PACS2: variants seen among roughly 807,000 people sequenced by gnomAD.
PACS2 encodes phosphofurin acidic cluster sorting protein 2.
A neutral mutation model predicts 113.0 loss-of-function variants in PACS2; 36 were observed. The ratio of observed to expected loss-of-function variants is 0.32; its 90% CI spans 0.24 to 0.42. The LOEUF (loss-of-function observed/expected upper bound fraction) is 0.42. Among genes scored for constraint, PACS2 ranks in the 10% least tolerant of loss-of-function variants. The pLI, the probability that PACS2 is intolerant of heterozygous loss-of-function variation, is 1.00. For missense variants in PACS2, 1,015 were observed against 1,239.5 expected (o/e 0.82, Z 2.72); for synonymous variants, 589 against 536.1 (o/e 1.10, Z -1.36).
At position 105,375,295 on chromosome 14, in the gene PACS2, C is replaced by T. The variant is rs1183615930; in HGVS notation, c.802-1473C>T. 4.6e-5 allele frequency among the ~76,000 whole-genome samples: 7 copies of T among 152,100 alleles called. No homozygotes were observed. The East Asian group carries it at 7.7e-4, about 17-fold the overall frequency. On this transcript the variant is annotated intron_variant, in intron 8 of 24. Transcript: ENST00000447393. ...GAGATCAAGACCATCCTGGCTAACA[C>T]GGTGAAACCCCATCTCTACTAAAAA... is the stretch of plus-strand genomic sequence containing the variant.
Position 105,355,478 on chromosome 14 carries a change from T to C in PACS2, c.423+301T>C, listed in dbSNP as rs1232896329. Among the ~76,000 whole-genome samples the C allele has an allele frequency of 6.6e-6, 1 of 152,206 alleles. No individual in the cohort carries two copies. Among genetic ancestry groups the C allele is most frequent in the Admixed American group, 6.5e-5 (1 of 15,290 alleles). ...GAGGCTGGGTTTTGGGTCAGGCTGCTCTGGAGTCCTTCCCATGGAGGAATC... is the reference window on the plus strand; with the variant it reads ...GAGGCTGGGTTTTGGGTCAGGCTGCCCTGGAGTCCTTCCCATGGAGGAATC... On this transcript the variant is annotated intron_variant, in intron 4 of 24. Coordinates refer to ENST00000447393, the MANE Select transcript of PACS2 (RefSeq NM_001100913.3). The surrounding 1 kb of genome is among the most constrained non-coding windows in gnomAD (Gnocchi z 4.1).
intron 1 of PACS2, among the ~76,000 whole-genome samples, chr14:105,316,344 G>A (rs973470477): frequency 2.0e-5 from 3 of 152,250 alleles, no homozygotes; most frequent in Admixed American, 2.0e-4. Flanking sequence ...AAAGCCAGGA[G>A]CATCTCCCCA....
chr14:105,312,376 C>T (rs587718502), upstream of PACS2, among the ~76,000 whole-genome samples: 25 of 152,348 alleles, frequency 1.6e-4, no homozygotes, highest in Middle Eastern at 3.4e-3. Context: ...CCGGGCAGCA[C>T]GTGGTAGGAC....
chr14:105,334,506 C>T (rs2059429432), intron 1 of PACS2, among the ~76,000 whole-genome samples: 1 of 151,952 alleles, frequency 6.6e-6, no homozygotes, highest in African/African-American at 2.4e-5. Context: ...TAGAGCTCCA[C>T]CTGAGGCCCA....
intron 21 of PACS2, 111 bp from the exon 22 acceptor site, chr14:105,391,519 CT>C: frequency 1.5e-6 from 1 of 682,248 alleles, no homozygotes; most frequent in Non-Finnish European, 2.5e-6. Flanking sequence ...GACTCCCACC[CT>C]GCCCACCCCC....
Position 105,348,823 on chromosome 14 carries a change from G to T in PACS2, c.207+243G>T. On this transcript the variant is annotated intron_variant, in intron 2 of 24. Transcript: ENST00000447393. This position sits in a 1 kb window ranked among gnomAD's most constrained non-coding sequence, Gnocchi z 6.4. ...AGGTCACATGCATGGGGCCTTCCCA[G>T]GGCAGAGCTGCCCTCGAGTCACCTC... 1 of 475,276 alleles carries T rather than the reference G, an allele frequency of 2.1e-6. No homozygotes were observed. 29.4% of individuals were successfully genotyped at this position (475,276 alleles called of 1,614,324 possible).
intron 8 of PACS2, chr14:105,371,812 G>A (rs2061166840): frequency 6.6e-6 from 1 of 152,254 alleles, no homozygotes; most frequent in Non-Finnish European, 1.5e-5. Flanking sequence ...CAACCAAAGT[G>A]TATTTCTCGC....
intron 10 of PACS2, 58 bp from the exon 11 acceptor site, chr14:105,380,022 G>A: frequency 6.7e-7 from 1 of 1,491,794 alleles, no homozygotes; most frequent in Non-Finnish European, 9.1e-7. Flanking sequence ...CAGTCCAGAA[G>A]TCAGCGCCTT....
intron 3 of PACS2, 56 bp downstream of exon 3, chr14:105,352,523 G>GCCC (rs201587951): frequency 3.0e-5 from 33 of 1,089,082 alleles, no homozygotes. Context: ...GGGGAGACGG[G>GCCC]CCCCCCTCAT....
chr14:105,343,602 T>A (rs1269112359), intron 1 of PACS2, among the ~76,000 whole-genome samples: 1 of 152,198 alleles, frequency 6.6e-6, no homozygotes, highest in Non-Finnish European at 1.5e-5. Flanking sequence ...TTAATTTGCA[T>A]TTCCCTAATA....
rs2080801683 is a variant in PACS2, at chr14:105,376,892, A to G, written c.926A>G (p.Asp309Gly). 1.2e-6 allele frequency: 2 copies of G among 1,612,412 alleles called. No individual in the cohort carries two copies. The highest frequency in any genetic ancestry group is 1.7e-6 in the Non-Finnish European group (2 of 1,179,554). Residue 309 changes from aspartate to glycine, a missense_variant, in exon 9 of 25, where the codon GAC becomes GGC. By Grantham distance (94) the Asp-to-Gly change is moderately conservative (BLOSUM62 -1). Transcript: ENST00000447393. This position sits in a 1 kb window ranked among gnomAD's most constrained non-coding sequence, Gnocchi z 4.7. ...AGCGGCCCCGACATGGAGGATGACGACAGCGTCCTCAGCACCCCCAAGCCG... is the reference window on the plus strand; with the variant it reads ...AGCGGCCCCGACATGGAGGATGACGGCAGCGTCCTCAGCACCCCCAAGCCG... ...SDSGPDMEDD[D>G]SVLSTPKPKL...
intron 1 of PACS2, among the ~76,000 whole-genome samples, chr14:105,308,965 C>T (rs761264058): frequency 6.6e-6 from 1 of 151,732 alleles, no homozygotes; most frequent in Non-Finnish European, 1.5e-5. Flanking sequence ...CAGAGCAAGA[C>T]CCTGTCAAGA....
rs1555412673 is a variant in PACS2, at chr14:105,383,398, C to T, written c.1665C>T (p.Ile555=). 1.2e-5 allele frequency: 19 copies of T among 1,609,212 alleles called. No homozygotes were observed. Among genetic ancestry groups the T allele is most frequent in the South Asian group, 3.3e-5 (3 of 91,084 alleles). The change falls in exon 16 of 25, where the codon ATC becomes ATT. Residue 555 remains isoleucine (I), a synonymous_variant. Coordinates refer to ENST00000447393, the MANE Select transcript of PACS2 (RefSeq NM_001100913.3). ...CCCAGCCCCCGACCCCCGTGAAGAT[C>T]GCCGTGGCGGGAGCGCAGCATTACC... The part of the protein sequence containing the change: ...CNSQPPTPVK[I]AVAGAQHYLS...
chr14:105,392,337 G>A (rs2081388704), intron 22 of PACS2: 2 of 478,696 alleles, frequency 4.2e-6, no homozygotes, highest in Admixed American at 3.7e-5. Flanking sequence ...TGGTTCGCAC[G>A]GGCCCTCACG....
chr14:105,386,824 A>C (rs1555413683), intron 19 of PACS2, among the ~76,000 whole-genome samples: 2 of 152,104 alleles, frequency 1.3e-5, no homozygotes, highest in African/African-American at 4.8e-5. Flanking sequence ...CCTGCTAAAC[A>C]AGCCTTCACA....
chr14:105,394,991 C>G lies in PACS2; in HGVS notation c.*319C>G. On this transcript the variant is annotated 3_prime_UTR_variant, in exon 25 of 25. Transcript: ENST00000447393. ...CAGGCTGAGTTCTTGCCTCTGTGTC[C>G]TGTCCTTCCTGGAAGTCAGGACTCT... is the stretch of plus-strand genomic sequence containing the variant. 1 of 290,376 alleles carries G rather than the reference C, an allele frequency of 3.4e-6. No homozygotes were observed. The allele number at this position is 290,376 out of a possible 1,614,324, so 18.0% of individuals were successfully genotyped here.
At chr14:105,359,804 G>A (rs1555406074) in intron 4 of PACS2, among the ~76,000 whole-genome samples, 2 of 152,088 alleles carry the variant, frequency 1.3e-5, no homozygotes, top group African/African-American at 2.4e-5. Flanking sequence ...TGTTAGCCAA[G>A]ATGGTCTCGA....
intron 1 of PACS2, among the ~76,000 whole-genome samples, chr14:105,321,945 C>CTT (rs1343971390): frequency 7.0e-6 from 1 of 142,868 alleles, no homozygotes. Flanking sequence ...CCTTTTCTGA[C>CTT]TTTTTTTTTT....
chr14:105,303,818 C>G (rs994929910), intron 1 of PACS2, among the ~76,000 whole-genome samples: 1 of 152,208 alleles, frequency 6.6e-6, no homozygotes, highest in Non-Finnish European at 1.5e-5. Context: ...GCAAAATGCT[C>G]TCTGTCCATG....
Sources: gnomAD v4.1 joint callset for allele counts (sites outside exome capture counted in the v4.1 genomes callset) on GRCh38, gnomAD v4.1.1 for gene constraint, Gnocchi (gnomAD v3.1) non-coding constraint, MANE v1.5 for transcripts, NCBI Gene and HGNC (gene_info 2026-07-23, HGNC 2026-07-21) for gene names.